The following CTDP1 variants were observed in gnomAD, a reference collection of about 807,000 sequenced individuals.
CTDP1 encodes the protein RNA polymerase II subunit A C-terminal domain phosphatase.
A neutral mutation model predicts 91.8 loss-of-function variants in CTDP1; 47 were observed. The ratio of observed to expected loss-of-function variants is 0.51; its 90% CI spans 0.41 to 0.65. The LOEUF (loss-of-function observed/expected upper bound fraction) is 0.65. Among genes scored for constraint, CTDP1 ranks in the 30% least tolerant of loss-of-function variants. The pLI, the probability that CTDP1 is intolerant of heterozygous loss-of-function variation, is 0.00. For synonymous variants in CTDP1, 656 were observed against 598.5 expected (o/e 1.10, Z -1.40); for missense variants, 1,272 against 1,373.7 (o/e 0.93, Z 1.17).
At chr18:79,706,433 C>T (rs936438952) in intron 5 of CTDP1, among the ~76,000 whole-genome samples, 1 of 152,202 alleles carries the variant, frequency 6.6e-6, no homozygotes, top group East Asian at 1.9e-4. Flanking sequence ...GGGACAGTGA[C>T]GCCCACTCAA....
intron 1 of CTDP1, among the ~76,000 whole-genome samples, chr18:79,688,954 C>T (rs757406279): frequency 3.9e-5 from 6 of 152,254 alleles, no homozygotes; most frequent in African/African-American, 7.2e-5. Context: ...GCTGAGTTTG[C>T]TTATCTTTCC....
At chr18:79,755,971 C>G (rs1257383011), downstream of CTDP1, 3 of 152,228 alleles carry the variant, frequency 2.0e-5, no homozygotes, top group African/African-American at 7.2e-5. Context: ...GTCGAGTGAA[C>G]AGAGCATGCA....
intron 4 of CTDP1, 128 bp from the exon 5 acceptor site, chr18:79,704,639 C>T (rs1438885348): frequency 1.2e-5 from 15 of 1,273,008 alleles, no homozygotes; most frequent in Admixed American, 5.2e-5. Context: ...CGGGCACACG[C>T]GTGTCTTCAG....
At chr18:79,705,209 C>T (rs2085943213) in intron 5 of CTDP1, among the ~76,000 whole-genome samples, 2 of 152,134 alleles carry the variant, frequency 1.3e-5, no homozygotes, top group South Asian at 4.1e-4. Context: ...CGACAGATAC[C>T]TTCTTAAATC....
chr18:79,748,733 A>G (rs1471867061), intron 12 of CTDP1, among the ~76,000 whole-genome samples: 1 of 152,344 alleles, frequency 6.6e-6, no homozygotes, highest in African/African-American at 2.4e-5. Flanking sequence ...CTCATCTCAC[A>G]CAACAGCGAC....
At chr18:79,695,141 C>G (rs1038417940) in intron 1 of CTDP1, 84 bp from the exon 2 acceptor site, 2 of 1,299,408 alleles carry the variant, frequency 1.5e-6, no homozygotes, top group African/African-American at 2.9e-5. Flanking sequence ...GGTACAAAAA[C>G]CTAGATTTTA....
Position 79,713,900 on chromosome 18 carries a change from GC to G in CTDP1, c.1031-589del, listed in dbSNP as rs2086134394. Among the ~76,000 whole-genome samples, 1 of 147,938 alleles carries G rather than the reference GC, an allele frequency of 6.8e-6. No homozygotes were observed. Among genetic ancestry groups the G allele is most frequent in the Non-Finnish European group, 1.5e-5 (1 of 65,912 alleles). ...TGCAGGGGCTTACGGCCACGGTGGC[GC>G]CAGGTCTGCAGGGGCTTACGGCCAC... On this transcript the variant is annotated intron_variant, in intron 7 of 12. Coordinates refer to ENST00000613122, the MANE Select transcript of CTDP1 (RefSeq NM_004715.5). The surrounding 1 kb of genome is among the most constrained non-coding windows in gnomAD (Gnocchi z 4.7).
At position 79,715,054 on chromosome 18, in the gene CTDP1, G is replaced by A. The variant is rs1321405840; in HGVS notation, c.1594G>A (p.Gly532Arg). Reference protein sequence around the residue: ...HAPDKEPELGGQEEGERDGLC... With the variant: ...HAPDKEPELGRQEEGERDGLC... ...CCCGGACAAGGAGCCTGAGCTGGGTGGGCAGGAGGAGGGCGAGCGGGATGG... is the reference window on the plus strand; with the variant it reads ...CCCGGACAAGGAGCCTGAGCTGGGTAGGCAGGAGGAGGGCGAGCGGGATGG... The change falls in exon 8 of 13, where the codon GGG becomes AGG. Residue 532 changes from glycine to arginine, a missense_variant. Transcript: ENST00000613122. 5 of 1,610,718 alleles carry A rather than the reference G, an allele frequency of 3.1e-6. No homozygotes were observed. In the African/African-American group the frequency reaches 6.7e-5, roughly 21 times the overall value.
intron 1 of CTDP1, among the ~76,000 whole-genome samples, chr18:79,687,646 G>C (rs1476163505): frequency 6.6e-6 from 1 of 151,398 alleles, no homozygotes; most frequent in Non-Finnish European, 1.5e-5. Context: ...CGCAGCAGTT[G>C]GCTTCGCCAG....
At chr18:79,737,369 C>T (rs1386522132) in intron 12 of CTDP1, among the ~76,000 whole-genome samples, 2 of 152,132 alleles carry the variant, frequency 1.3e-5, no homozygotes, top group African/African-American at 4.8e-5. Flanking sequence ...GATGCGTTTA[C>T]GTTTGACCTT....
chr18:79,753,886 T>G lies in CTDP1; in HGVS notation c.*96T>G, dbSNP rs755833774. 1.2e-4 allele frequency: 184 copies of G among 1,485,652 alleles called. 1 individual carries two copies. Among genetic ancestry groups the G allele is most frequent in the Middle Eastern group, 1.2e-3 (5 of 4,266 alleles). 92.0% of individuals were successfully genotyped at this position (1,485,652 alleles called of 1,614,324 possible). On this transcript the variant is annotated 3_prime_UTR_variant, in exon 13 of 13. Coordinates refer to ENST00000613122, the MANE Select transcript of CTDP1 (RefSeq NM_004715.5). ...TCAGTCTCGGTCCACGCTGCTTTCT[T>G]CCCAAAGGACATGTATATTTGCAGA... is the stretch of plus-strand genomic sequence containing the variant.
intron 10 of CTDP1, among the ~76,000 whole-genome samples, chr18:79,721,751 T>C (rs537385057): frequency 1.3e-5 from 2 of 151,850 alleles, no homozygotes; most frequent in South Asian, 4.2e-4. Context: ...AGAGCCTGTC[T>C]CAAAAAAAAA....
In CTDP1 at chr18:79,742,309, G is replaced by A. The variant is rs564390483; in HGVS notation, c.2747+5788G>A. ...GAGAGAGAGGCCTGAGGGCAGCAGAGGAGGCATGAGGCGTCCATGGGAGAG... is the reference window on the plus strand; with the variant it reads ...GAGAGAGAGGCCTGAGGGCAGCAGAAGAGGCATGAGGCGTCCATGGGAGAG... On this transcript the variant is annotated intron_variant, in intron 12 of 12. Coordinates refer to ENST00000613122, the MANE Select transcript of CTDP1 (RefSeq NM_004715.5). Among the ~76,000 whole-genome samples the A allele has an allele frequency of 2.7e-3, 403 of 151,524 alleles. 1 individual carries two copies. The highest frequency in any genetic ancestry group is 9.5e-3 in the African/African-American group (391 of 41,196).
At position 79,729,023 on chromosome 18, in the gene CTDP1, C is replaced by A; in HGVS notation, c.2534C>A (p.Pro845Gln). The A allele has an allele frequency of 6.2e-7, 1 of 1,614,024 alleles. No homozygotes were observed. The highest frequency in any genetic ancestry group is 8.5e-7 in the Non-Finnish European group (1 of 1,180,040). ...CAGCCCAGTATGTCTGAGACAATGC[C>A]GCTGTACACTCTTTGTAAGGAGGAT... The part of the protein sequence containing the change: ...KRQPSMSETM[P>Q]LYTLCKEDLE... Residue 845 changes from proline to glutamine, a missense_variant, in exon 11 of 13, where the codon CCG becomes CAG. Transcript: ENST00000613122.
At chr18:79,736,087 T>C in intron 11 of CTDP1, 1 of 545,684 alleles carries the variant, frequency 1.8e-6, no homozygotes, top group Non-Finnish European at 3.3e-6. Context: ...ATAAAGTCCC[T>C]GTTCACATAA....
At chr18:79,723,757 C>T (rs1054656479) in intron 10 of CTDP1, among the ~76,000 whole-genome samples, 1 of 152,218 alleles carries the variant, frequency 6.6e-6, no homozygotes, top group Non-Finnish European at 1.5e-5. Flanking sequence ...AGCTCCCCTG[C>T]GGCCCTTCAT....
intron 1 of CTDP1, among the ~76,000 whole-genome samples, chr18:79,682,114 A>G (rs1030154543): frequency 6.6e-6 from 1 of 152,170 alleles, no homozygotes; most frequent in Non-Finnish European, 1.5e-5. Context: ...TCGCAGTTGC[A>G]TTAGCCAGCT....
intron 1 of CTDP1, among the ~76,000 whole-genome samples, chr18:79,685,978 G>C (rs998261883): frequency 1.3e-5 from 2 of 152,156 alleles, no homozygotes; most frequent in Non-Finnish European, 2.9e-5. Context: ...AATTTGGGGG[G>C]CTGTCACTTT....
rs1232862185 is a variant in CTDP1 at position 79,715,260 on chromosome 18, A to T, written c.1800A>T (p.Val600=). ...ACCTGGAGGAGATCCTGGTCCGTGT[A>T]CACACTGACTACTATGCCAAGTATG... ...LIYLEEILVR[V]HTDYYAKYDR... is the part of the protein sequence containing the mutation. The change falls in exon 8 of 13, where the codon GTA becomes GTT. Residue 600 remains valine, a synonymous_variant. Coordinates refer to ENST00000613122, the MANE Select transcript of CTDP1 (RefSeq NM_004715.5). 6.2e-7 allele frequency: 1 copy of T among 1,610,714 alleles called. No individual in the cohort carries two copies. Among genetic ancestry groups the T allele is most frequent in the South Asian group, 1.1e-5 (1 of 90,394 alleles).
Sources: allele counts gnomAD v4.1 joint callset (sites outside exome capture counted in the v4.1 genomes callset), GRCh38; gene constraint gnomAD v4.1.1; non-coding constraint Gnocchi (gnomAD v3.1); transcripts MANE v1.5; gene names NCBI Gene and HGNC (gene_info 2026-07-23, HGNC 2026-07-21).